The following IL5RA variants were observed in gnomAD, a reference collection of about 807,000 sequenced individuals.
IL5RA encodes interleukin 5 receptor subunit alpha.
In IL5RA, 49 loss-of-function variants were observed where a neutral mutation model predicts 50.0. The observed-to-expected ratio is 0.98, with a 90% CI of 0.78 to 1.24. IL5RA has a LOEUF of 1.24. Among genes scored for constraint, IL5RA ranks in the 50% most tolerant of loss-of-function variants. The pLI, the probability that IL5RA is intolerant of heterozygous loss-of-function variation, is 0.00. For missense variants in IL5RA, 600 were observed against 500.4 expected, an observed-to-expected ratio of 1.20 and a Z score of -1.90; for synonymous variants, 202 against 174.0, an observed-to-expected ratio of 1.16 and a Z score of -1.26.
chr3:3,109,343 G>C (rs1334089575), intron 1 of IL5RA, among the ~76,000 whole-genome samples: 1 of 152,186 alleles, frequency 6.6e-6, no homozygotes, highest in Non-Finnish European at 1.5e-5. Flanking sequence ...CCTTCAGTTA[G>C]ATAAAGTGCC....
At chr3:3,079,917 C>G (rs1333133596) in intron 9 of IL5RA, among the ~76,000 whole-genome samples, 1 of 152,012 alleles carries the variant, frequency 6.6e-6, no homozygotes, top group African/African-American at 2.4e-5. Context: ...GGCTGTCATC[C>G]CAGCTACTAG....
intron 9 of IL5RA, among the ~76,000 whole-genome samples, chr3:3,086,774 C>G (rs1702880397): frequency 6.6e-6 from 1 of 152,174 alleles, no homozygotes; most frequent in Admixed American, 6.5e-5. Flanking sequence ...GCATGTTTAT[C>G]ACAGCACCAT....
At chr3:3,074,262 C>G (rs747061301) in intron 11 of IL5RA, among the ~76,000 whole-genome samples, 1 of 152,174 alleles carries the variant, frequency 6.6e-6, no homozygotes, top group Non-Finnish European at 1.5e-5. Flanking sequence ...AACATGGAGT[C>G]TTAAAACATT....
chr3:3,107,381 A>AAAC (rs4054761), intron 2 of IL5RA, among the ~76,000 whole-genome samples: 116,890 of 150,826 alleles, frequency 0.77, 45,417 homozygotes, highest in South Asian at 0.9. Context: ...TCCCTGCTTA[A>AAAC]AACAACAACA....
chr3:3,100,707 G>C (rs1018669510), intron 5 of IL5RA, among the ~76,000 whole-genome samples: 1 of 152,156 alleles, frequency 6.6e-6, no homozygotes, highest in Non-Finnish European at 1.5e-5. Flanking sequence ...AAATCCAGTT[G>C]TTCATTATAG....
At position 3,092,240 on chromosome 3, in the gene IL5RA, G is replaced by T; in HGVS notation, c.978C>A (p.Ser326Arg). Residue 326 changes from serine (S) to arginine (R), a missense_variant, in exon 9 of 12, where the codon AGC becomes AGA. Transcript: ENST00000446632. This position sits in a 1 kb window ranked among gnomAD's most constrained non-coding sequence, Gnocchi z 4.2. ...CREAGLWSEW[S>R]QPIYVGNDEH... ...GCTACTTACCCACATAAATAGGTTG[G>T]CTCCACTCACTCCAGAGCCCTGCCT... The T allele has an allele frequency of 6.2e-7, 1 of 1,613,860 alleles. No homozygotes were observed. Among genetic ancestry groups the T allele is most frequent in the South Asian group, 1.1e-5 (1 of 91,036 alleles).
rs891084523 is a variant in IL5RA, at chr3:3,092,451, T to C, written c.856-89A>G. 16 of 1,169,512 alleles carry C rather than the reference T, an allele frequency of 1.4e-5. No homozygotes were observed. Among genetic ancestry groups the C allele is most frequent in the Non-Finnish European group, 2.0e-5 (16 of 810,856 alleles). 72.4% of individuals were successfully genotyped at this position (1,169,512 alleles called of 1,614,324 possible). A position where few individuals can be genotyped will look rare whatever the true frequency, so the allele number is the denominator to read the frequency against. ...AGAATGGGAGGTCCTATATAGGTCA[T>C]GTGACTCACTGTTCAGCAAGTCCTT... On this transcript the variant is annotated intron_variant, in intron 8 of 11. Coordinates refer to ENST00000446632, the MANE Select transcript of IL5RA (RefSeq NM_175726.4). The surrounding 1 kb of genome is among the most constrained non-coding windows in gnomAD (Gnocchi z 4.2).
At chr3:3,100,527 T>G (rs561546680) in intron 5 of IL5RA, among the ~76,000 whole-genome samples, 1 of 152,234 alleles carries the variant, frequency 6.6e-6, no homozygotes, top group African/African-American at 2.4e-5. Flanking sequence ...CCAAGTACAC[T>G]TTAGAGATCC....
chr3:3,076,661 A>G (rs772941850), intron 9 of IL5RA, 34 bp from the exon 10 acceptor site: 10 of 1,396,280 alleles, frequency 7.2e-6, no homozygotes, highest in East Asian at 2.3e-5. Context: ...AAAAAAATAT[A>G]AAGTCCAAGT....
At chr3:3,107,340 C>T (rs1474010948) in intron 2 of IL5RA, among the ~76,000 whole-genome samples, 1 of 150,542 alleles carries the variant, frequency 6.6e-6, no homozygotes, top group Non-Finnish European at 1.5e-5. Flanking sequence ...TACAATTCTG[C>T]TCACTCTCTG....
At position 3,070,172 on chromosome 3, in the gene IL5RA, TCACTGAGG is replaced by T. The variant is rs1702250072; in HGVS notation, c.*45_*52del. 1.7e-6 allele frequency: 2 copies of T among 1,174,758 alleles called. No individual in the cohort carries two copies. Among genetic ancestry groups the T allele is most frequent in the Admixed American group, 3.8e-5 (2 of 52,136 alleles). 72.8% of individuals were successfully genotyped at this position (1,174,758 alleles called of 1,614,324 possible). On this transcript the variant is annotated 3_prime_UTR_variant, in exon 12 of 12. Transcript: ENST00000446632. ...CCAAGAGCCAGCATCCCTGTTCTTT[TCACTGAGG>T]CACTGAGGCATGTGTGAGTTCATCA...
At chr3:3,089,908 C>T (rs998983029) in intron 9 of IL5RA, 2 of 248,898 alleles carry the variant, frequency 8.0e-6, no homozygotes, top group East Asian at 2.3e-4. Flanking sequence ...CCACCGCACC[C>T]ATCCCCAAGA....
intron 5 of IL5RA, 73 bp downstream of exon 5, chr3:3,101,619 T>G: frequency 6.7e-7 from 1 of 1,488,388 alleles, no homozygotes; most frequent in Non-Finnish European, 9.2e-7. Flanking sequence ...AGTGGGTTAG[T>G]GTTAATTTTT....
intron 9 of IL5RA, among the ~76,000 whole-genome samples, chr3:3,091,530 G>A (rs1157367609): frequency 2.0e-5 from 3 of 152,122 alleles, no homozygotes; most frequent in East Asian, 1.9e-4. Flanking sequence ...TCAGGAGTTC[G>A]AGACCAGCCT....
At chr3:3,071,597 A>AT (rs113446607) in intron 11 of IL5RA, among the ~76,000 whole-genome samples, 641 of 55,714 alleles carry the variant, frequency 0.012, 8 homozygotes, top group East Asian at 0.052. Flanking sequence ...GTGTGTGTGT[A>AT]TTTTTTTTTT....
At chr3:3,075,542 C>G (rs1192463283) in intron 10 of IL5RA, among the ~76,000 whole-genome samples, 1 of 151,824 alleles carries the variant, frequency 6.6e-6, no homozygotes, top group Non-Finnish European at 1.5e-5. Flanking sequence ...CTGCCTTCCC[C>G]CAAACTGTAG....
intron 2 of IL5RA, among the ~76,000 whole-genome samples, chr3:3,106,397 A>G: frequency 6.6e-6 from 1 of 152,308 alleles, no homozygotes; most frequent in East Asian, 1.9e-4. Flanking sequence ...TGAACTTACT[A>G]ATGAAATTGG....
chr3:3,102,891 G>C (rs1224951687), intron 3 of IL5RA, 71 bp from the exon 4 acceptor site: 2 of 1,328,150 alleles, frequency 1.5e-6, no homozygotes, highest in Non-Finnish European at 2.1e-6. Flanking sequence ...AAAACTTTTC[G>C]AATATTTATT....
At chr3:3,101,949 G>C (rs1014044252) in intron 4 of IL5RA, 119 bp from the exon 5 acceptor site, 59 of 931,080 alleles carry the variant, frequency 6.3e-5, no homozygotes, top group Non-Finnish European at 8.7e-5. Flanking sequence ...CAATGAAATA[G>C]TTTTGCTAGA....
Sources: gnomAD v4.1 joint callset for allele counts (sites outside exome capture counted in the v4.1 genomes callset) on GRCh38, gnomAD v4.1.1 for gene constraint, Gnocchi (gnomAD v3.1) non-coding constraint, MANE v1.5 for transcripts, NCBI Gene and HGNC (gene_info 2026-07-23, HGNC 2026-07-21) for gene names.